GAD2: variants seen among roughly 807,000 people sequenced by gnomAD.
The protein encoded by GAD2 is 65 kDa glutamic acid decarboxylase.
In GAD2, 22 loss-of-function variants were observed where a neutral mutation model predicts 80.1. That is an observed-to-expected ratio of 0.27 (90% CI 0.20 to 0.39). The LOEUF is 0.39. Ranked by LOEUF, GAD2 falls within the 10% of genes least tolerant of loss-of-function variation. The pLI is 1.00. For missense variants in GAD2, 624 were observed against 738.4 expected (o/e 0.85, Z 1.80); for synonymous variants, 274 against 256.9 (o/e 1.07, Z -0.64).
At chr10:26,227,311 A>G (rs11015002) in intron 6 of GAD2, among the ~76,000 whole-genome samples, 19,142 of 152,194 alleles carry the variant, frequency 0.13, 4,007 homozygotes, top group African/African-American at 0.43. Context: ...AAGAGCAGGT[A>G]GGGCTCACGC....
Position 26,280,727 on chromosome 10 carries a change from G to T in GAD2, c.1158-282G>T, listed in dbSNP as rs8190747. On this transcript the variant is annotated intron_variant, in intron 11 of 15. Coordinates refer to ENST00000376261, the MANE Select transcript of GAD2 (RefSeq NM_001134366.2). ...TAAATACAGTATCATGGGAGCATGG[G>T]ATGGGGGTGAGGGTTGAAAAATTAC... Among the ~76,000 whole-genome samples, 429 of 152,180 alleles carry T rather than the reference G, an allele frequency of 2.8e-3. 1 individual carries two copies. Among genetic ancestry groups the T allele is most frequent in the Non-Finnish European group, 4.2e-3 (286 of 68,002 alleles).
At position 26,223,951 on chromosome 10, in the gene GAD2, G is replaced by T. The variant is rs1467175955; in HGVS notation, c.585G>T (p.Trp195Cys). The part of the protein sequence containing the change: ...GLDMVGLAAD[W>C]LTSTANTNMF... ...ATATGGTTGGATTAGCAGCAGACTG[G>T]CTGACATCAACAGCAAATACTAACA... Residue 195 changes from tryptophan (W) to cysteine (C), a missense_variant, in exon 5 of 16, where the codon TGG becomes TGT. Trp to Cys is a radical substitution (Grantham distance 215). Transcript: ENST00000376261. 1.2e-6 allele frequency: 2 copies of T among 1,610,536 alleles called. No individual in the cohort carries two copies. The highest frequency in any genetic ancestry group is 2.7e-5 in the African/African-American group (2 of 74,078).
At chr10:26,264,484 A>G (rs1845044679) in intron 8 of GAD2, among the ~76,000 whole-genome samples, 1 of 151,610 alleles carries the variant, frequency 6.6e-6, no homozygotes. Context: ...GATTTTTTGT[A>G]TTTTTTTAGT....
intron 7 of GAD2, among the ~76,000 whole-genome samples, chr10:26,237,375 C>T (rs1844687078): frequency 1.3e-5 from 2 of 152,182 alleles, no homozygotes; most frequent in South Asian, 4.1e-4. Flanking sequence ...TTCGTCTCCT[C>T]CTCATCTGTA....
intron 4 of GAD2, among the ~76,000 whole-genome samples, chr10:26,221,815 G>A (rs932533541): frequency 3.9e-5 from 6 of 152,236 alleles, no homozygotes; most frequent in Non-Finnish European, 8.8e-5. Context: ...CCCAATGGCT[G>A]ACGCAGTGCG....
At chr10:26,250,905 A>G (rs201627357) in intron 8 of GAD2, among the ~76,000 whole-genome samples, 1 of 127,692 alleles carries the variant, frequency 7.8e-6, no homozygotes, top group Non-Finnish European at 1.6e-5. Context: ...TTTGAGACAG[A>G]GTCTTGCTCT....
chr10:26,273,553 A>G, intron 10 of GAD2, 83 bp from the exon 11 acceptor site: 2 of 1,197,068 alleles, frequency 1.7e-6, no homozygotes, highest in South Asian at 1.2e-5. Flanking sequence ...GGTCAAGATC[A>G]TTTTCACCTA....
chr10:26,280,595 G>C (rs1845260416), intron 11 of GAD2, among the ~76,000 whole-genome samples: 1 of 152,060 alleles, frequency 6.6e-6, no homozygotes, highest in South Asian at 2.1e-4. Context: ...TGGGAGGCAG[G>C]TTTCCCGTAA....
intron 13 of GAD2, among the ~76,000 whole-genome samples, chr10:26,288,271 T>C (rs1345618699): frequency 2.6e-5 from 4 of 152,218 alleles, no homozygotes; most frequent in Non-Finnish European, 5.9e-5. Flanking sequence ...TGTACATCCT[T>C]CAGGGAAGCC....
chr10:26,240,746 A>C (rs1314293090), intron 7 of GAD2, among the ~76,000 whole-genome samples: 2 of 149,614 alleles, frequency 1.3e-5, no homozygotes, highest in African/African-American at 4.9e-5. Flanking sequence ...AAAAAAAAAA[A>C]TGTGGATGGG....
intron 6 of GAD2, among the ~76,000 whole-genome samples, chr10:26,229,073 G>C (rs1396703394): frequency 6.6e-6 from 1 of 151,868 alleles, no homozygotes; most frequent in Non-Finnish European, 1.5e-5. Flanking sequence ...GCATGCCTGT[G>C]GTCCCAGCTT....
chr10:26,291,465 G>A (rs1048496571), intron 13 of GAD2, among the ~76,000 whole-genome samples: 2 of 147,672 alleles, frequency 1.4e-5, no homozygotes, highest in Admixed American at 1.3e-4. Context: ...GATATCTCCA[G>A]GGCAGCTTGT....
chr10:26,300,641 G>A (rs1208702500), intron 15 of GAD2, 147 bp from the exon 16 acceptor site: 2 of 689,742 alleles, frequency 2.9e-6, no homozygotes, highest in Non-Finnish European at 2.5e-6. Flanking sequence ...CTGATCCCAA[G>A]AAAACTTGGA....
At chr10:26,290,468 C>T (rs1222209448) in intron 13 of GAD2, among the ~76,000 whole-genome samples, 1 of 152,102 alleles carries the variant, frequency 6.6e-6, no homozygotes, top group Non-Finnish European at 1.5e-5. Flanking sequence ...GGCCATTCCA[C>T]GGAGTGGTTG....
rs765359416 is a variant in GAD2, at chr10:26,216,774, G to A, written c.-36G>A. 6.3e-7 allele frequency: 1 copy of A among 1,579,942 alleles called. No individual in the cohort carries two copies. The highest frequency in any genetic ancestry group is 8.6e-7 in the Non-Finnish European group (1 of 1,157,176). On this transcript the variant is annotated 5_prime_UTR_variant, in exon 1 of 16. Coordinates refer to ENST00000376261, the MANE Select transcript of GAD2 (RefSeq NM_001134366.2). The surrounding 1 kb of genome is among the most constrained non-coding windows in gnomAD (Gnocchi z 4.7). The stretch of plus-strand genomic sequence containing the variant: ...GCCCGAGGCAGCTCGCCCGCAGCTC[G>A]CACTCGCAGGCGACCTGCTCCAGTC...
At chr10:26,246,949 T>C (rs566649115) in intron 8 of GAD2, among the ~76,000 whole-genome samples, 63 of 152,112 alleles carry the variant, frequency 4.1e-4, no homozygotes, top group Admixed American at 1.6e-3. Context: ...TTACAGAAGA[T>C]TGAATACCAG....
rs1321342208 is a variant in GAD2, at chr10:26,302,666, T to C, written c.*1705T>C. 1 of 152,166 alleles carries C rather than the reference T, an allele frequency of 6.6e-6. No individual in the cohort carries two copies. Among genetic ancestry groups the C allele is most frequent in the Non-Finnish European group, 1.5e-5 (1 of 68,042 alleles). 9.4% of individuals were successfully genotyped at this position (152,166 alleles called of 1,614,324 possible). A position where few individuals can be genotyped will look rare whatever the true frequency, so the allele number is the denominator to read the frequency against. ...GGTAGAAATGCCCTACAATATAACA[T>C]AGAGAAATGCCCTATAATATAACCA... On this transcript the variant is annotated 3_prime_UTR_variant, in exon 16 of 16. Transcript: ENST00000376261.
intron 12 of GAD2, among the ~76,000 whole-genome samples, chr10:26,282,027 C>T (rs1051940695): frequency 3.3e-5 from 5 of 152,316 alleles, no homozygotes; most frequent in Middle Eastern, 3.4e-3. Flanking sequence ...ACTGCGATCT[C>T]TGCCTCCTGA....
chr10:26,279,205 G>A (rs1589151397), intron 11 of GAD2, among the ~76,000 whole-genome samples: 3 of 152,174 alleles, frequency 2.0e-5, no homozygotes, highest in Middle Eastern at 3.4e-3. Context: ...ACAGGAGCAC[G>A]GTGGAAGTGA....
Sources: gnomAD v4.1 joint callset for allele counts (sites outside exome capture counted in the v4.1 genomes callset) on GRCh38, gnomAD v4.1.1 for gene constraint, Gnocchi (gnomAD v3.1) non-coding constraint, MANE v1.5 for transcripts, NCBI Gene and HGNC (gene_info 2026-07-23, HGNC 2026-07-21) for gene names.